MTDH: variants seen among roughly 807,000 people sequenced by gnomAD.
MTDH encodes the protein metadherin, also known as protein LYRIC.
In MTDH, 34 loss-of-function variants were observed where a neutral mutation model predicts 72.7. The observed-to-expected ratio is 0.47, with a 90% confidence interval of 0.36 to 0.62. The LOEUF is 0.62. MTDH is among the 20% of genes least tolerant of loss of function. The pLI is 0.00. For synonymous variants in MTDH, 266 were observed against 268.9 expected, an observed-to-expected ratio of 0.99 and a Z score of 0.10; for missense variants, 677 against 699.4, an observed-to-expected ratio of 0.97 and a Z score of 0.36.
At chr8:97,722,752 A>C (rs1815178670) in intron 10 of MTDH, 127 bp from the exon 11 acceptor site, 2 of 844,716 alleles carry the variant, frequency 2.4e-6, no homozygotes, top group Non-Finnish European at 3.5e-6. Flanking sequence ...GGTATGAGTT[A>C]CATTGTTTAT....
intron 3 of MTDH, 144 bp from the exon 4 acceptor site, chr8:97,687,285 T>G: frequency 1.8e-6 from 1 of 556,310 alleles, no homozygotes; most frequent in Non-Finnish European, 2.9e-6. Flanking sequence ...TAGGATGAGT[T>G]AATATAATCA....
At chr8:97,691,264 A>G (rs921485716) in intron 6 of MTDH, 76 bp downstream of exon 6, 8 of 1,062,618 alleles carry the variant, frequency 7.5e-6, no homozygotes, top group Non-Finnish European at 9.4e-6. Context: ...AGAAATAGAA[A>G]AAAAAACTAT....
intron 2 of MTDH, among the ~76,000 whole-genome samples, chr8:97,676,407 C>G (rs1812848866): frequency 6.6e-6 from 1 of 152,128 alleles, no homozygotes. Flanking sequence ...TTAAATTGGT[C>G]TTTTTGGCAT....
chr8:97,696,273 C>A lies in MTDH; in HGVS notation c.1049-3481C>A, dbSNP rs777741416. The A allele has an allele frequency of 1.0e-5, 10 of 985,280 alleles. No homozygotes were observed. The Middle Eastern group carries it at 1.6e-3, about 154-fold the overall frequency. The allele number at this position is 985,280 out of a possible 1,614,324, so 61.0% of individuals were successfully genotyped here. ...AATTCTGCTTCTTTTGCATCTCTCA[C>A]ACTTAACTCTGCTGTTTCTGGTATG... On this transcript the variant is annotated intron_variant, in intron 6 of 11. Transcript: ENST00000336273.
intron 1 of MTDH, among the ~76,000 whole-genome samples, chr8:97,645,810 A>G (rs1811544038): frequency 6.6e-6 from 1 of 152,192 alleles, no homozygotes; most frequent in Non-Finnish European, 1.5e-5. Context: ...AAAATATTTT[A>G]CATTTGAGCA....
chr8:97,715,546 G>C (rs1814831925), intron 9 of MTDH, among the ~76,000 whole-genome samples: 1 of 152,152 alleles, frequency 6.6e-6, no homozygotes. Context: ...ATCAATACTT[G>C]CTTGCTTTTT....
At chr8:97,667,164 T>G (rs531733285) in intron 2 of MTDH, among the ~76,000 whole-genome samples, 28 of 152,210 alleles carry the variant, frequency 1.8e-4, no homozygotes, top group Non-Finnish European at 3.2e-4. Context: ...AGCTAATTTT[T>G]TGTAGAGACG....
chr8:97,665,561 G>A (rs568225092), intron 2 of MTDH, among the ~76,000 whole-genome samples: 1 of 152,240 alleles, frequency 6.6e-6, no homozygotes, highest in Non-Finnish European at 1.5e-5. Context: ...TATCCTACTT[G>A]GGTAGCCATA....
In MTDH at chr8:97,670,188, C is replaced by T. The variant is rs183092442; in HGVS notation, c.483+9015C>T. Reference sequence around the variant, plus strand: ...AAATTAGCCAGGCACGGTGGCACGCCGCCTGTAGTCCCAGCTATTTGGGAG... The same window carrying T: ...AAATTAGCCAGGCACGGTGGCACGCTGCCTGTAGTCCCAGCTATTTGGGAG... On this transcript the variant is annotated intron_variant, in intron 2 of 11. Coordinates refer to ENST00000336273, the MANE Select transcript of MTDH (RefSeq NM_178812.4). Among the ~76,000 whole-genome samples, 18 of 152,174 alleles carry T rather than the reference C, an allele frequency of 1.2e-4. No homozygotes were observed. The East Asian group carries it at 2.9e-3, about 25-fold the overall frequency.
intron 2 of MTDH, among the ~76,000 whole-genome samples, chr8:97,661,560 G>A (rs1039273422): frequency 2.6e-5 from 4 of 152,104 alleles, no homozygotes; most frequent in Admixed American, 6.6e-5. Flanking sequence ...TAGCAAAATC[G>A]TTCAGTGATG....
chr8:97,680,156 T>C (rs996042142), intron 2 of MTDH, among the ~76,000 whole-genome samples: 1 of 152,184 alleles, frequency 6.6e-6, no homozygotes, highest in African/African-American at 2.4e-5. Flanking sequence ...CACTGCAACC[T>C]CGACCTCCTG....
At chr8:97,696,837 G>A (rs113368322) in intron 6 of MTDH, among the ~76,000 whole-genome samples, 48 of 151,818 alleles carry the variant, frequency 3.2e-4, no homozygotes, top group African/African-American at 1.1e-3. Context: ...AATATGGGAG[G>A]CCAGGTGTGG....
chr8:97,654,345 T>C (rs1363198335), intron 1 of MTDH, among the ~76,000 whole-genome samples: 1 of 152,222 alleles, frequency 6.6e-6, no homozygotes, highest in African/African-American at 2.4e-5. Context: ...TCAAACAAAC[T>C]GACAAGAAAT....
chr8:97,685,230 G>A (rs1813312502), intron 2 of MTDH, among the ~76,000 whole-genome samples: 1 of 151,666 alleles, frequency 6.6e-6, no homozygotes, highest in Non-Finnish European at 1.5e-5. Flanking sequence ...ATGTAATAAA[G>A]CAGTATATTA....
Position 97,682,247 on chromosome 8 carries a change from TATATATATATATATATATATATATATA to T in MTDH, c.484-4420_484-4394del, listed in dbSNP as rs1813133531. On this transcript the variant is annotated intron_variant, in intron 2 of 11. Coordinates refer to ENST00000336273, the MANE Select transcript of MTDH (RefSeq NM_178812.4). ...TAATTACTTTATATATATATATATA[TATATATATATATATATATATATATATA>T]TATATATTTTTTTTTTTTTTTTTTT... Among the ~76,000 whole-genome samples the T allele has an allele frequency of 3.7e-3, 25 of 6,764 alleles. 1 individual carries two copies. Among genetic ancestry groups the T allele is most frequent in the East Asian group, 8.5e-3 (3 of 352 alleles). 4.4% of individuals were successfully genotyped at this position (6,764 alleles called of 152,430 possible). A position where few individuals can be genotyped will look rare whatever the true frequency, so the allele number is the denominator to read the frequency against.
chr8:97,715,014 A>C (rs1814804347), intron 9 of MTDH, among the ~76,000 whole-genome samples: 1 of 152,050 alleles, frequency 6.6e-6, no homozygotes, highest in African/African-American at 2.4e-5. Context: ...TAGTAGAGAC[A>C]GGCTTTCGCC....
intron 7 of MTDH, among the ~76,000 whole-genome samples, chr8:97,703,925 T>C (rs969715545): frequency 6.6e-6 from 1 of 152,160 alleles, no homozygotes. Context: ...TTGACCAAAA[T>C]CATCTTGTTA....
At chr8:97,664,220 G>A (rs984678471) in intron 2 of MTDH, among the ~76,000 whole-genome samples, 3 of 148,384 alleles carry the variant, frequency 2.0e-5, no homozygotes, top group African/African-American at 7.3e-5. Context: ...GCTGGGCATG[G>A]TGGCGTGTGC....
At chr8:97,722,286 CT>C (rs1815160310) in intron 10 of MTDH, among the ~76,000 whole-genome samples, 1 of 152,126 alleles carries the variant, frequency 6.6e-6, no homozygotes, top group South Asian at 2.1e-4. Context: ...ATAAAATCAT[CT>C]TATTTATATG....
Sources: allele counts gnomAD v4.1 joint callset (sites outside exome capture counted in the v4.1 genomes callset), GRCh38; gene constraint gnomAD v4.1.1; transcripts MANE v1.5; gene names NCBI Gene and HGNC (gene_info 2026-07-23, HGNC 2026-07-21).